FSHR: variants seen among roughly 807,000 people sequenced by gnomAD.
FSHR encodes follicle stimulating hormone receptor.
In FSHR, 46 loss-of-function variants were observed where a neutral mutation model predicts 52.1. The observed-to-expected ratio is 0.88, with a 90% CI of 0.70 to 1.13. The LOEUF is 1.13. Ranked by LOEUF, FSHR falls within the 50% of genes most tolerant of loss-of-function variation. The pLI, the probability that FSHR is intolerant of heterozygous loss-of-function variation, is 0.00. For synonymous variants in FSHR, 399 were observed against 309.6 expected (o/e 1.29, Z -3.03); for missense variants, 964 against 834.6 (o/e 1.16, Z -1.91).
chr2:49,025,822 A>G (rs910571303), intron 2 of FSHR, among the ~76,000 whole-genome samples: 17 of 152,212 alleles, frequency 1.1e-4, no homozygotes, highest in Admixed American at 5.2e-4. Flanking sequence ...CCTAAATCCT[A>G]TAGTGAGATT....
chr2:48,978,754 A>T (rs545682323), intron 8 of FSHR, among the ~76,000 whole-genome samples: 2 of 152,202 alleles, frequency 1.3e-5, no homozygotes, highest in African/African-American at 4.8e-5. Context: ...ACTTGTTTGT[A>T]TGCCCCTGGC....
intron 2 of FSHR, among the ~76,000 whole-genome samples, chr2:49,024,298 G>C (rs911687918): frequency 2.0e-5 from 3 of 152,072 alleles, no homozygotes; most frequent in Non-Finnish European, 4.4e-5. Context: ...ATAAGGGCCG[G>C]GTACAGTGGC....
intron 5 of FSHR, among the ~76,000 whole-genome samples, 194 bp downstream of exon 5, chr2:48,990,372 G>C (rs1197892805): frequency 6.6e-6 from 1 of 152,114 alleles, no homozygotes; most frequent in Non-Finnish European, 1.5e-5. Context: ...GGGTCTTTCA[G>C]TTTCCTCCAA....
At chr2:49,013,514 AT>A (rs1481533671) in intron 4 of FSHR, among the ~76,000 whole-genome samples, 1 of 24,454 alleles carries the variant, frequency 4.1e-5, no homozygotes, top group East Asian at 2.6e-3. Flanking sequence ...ATATATATAT[AT>A]AAATATATAT....
chr2:48,976,342 G>A (rs1426205866), intron 8 of FSHR, among the ~76,000 whole-genome samples: 1 of 152,202 alleles, frequency 6.6e-6, no homozygotes, highest in African/African-American at 2.4e-5. Flanking sequence ...AAGCTGACTT[G>A]ATCGTGGTGG....
chr2:49,093,497 A>G (rs945787715), intron 1 of FSHR, among the ~76,000 whole-genome samples: 2 of 152,084 alleles, frequency 1.3e-5, no homozygotes, highest in African/African-American at 4.8e-5. Flanking sequence ...ATATTAATAT[A>G]GCCACTACAG....
chr2:49,061,783 T>TTATATATAG (rs1558418410), intron 2 of FSHR, among the ~76,000 whole-genome samples: 7 of 142,060 alleles, frequency 4.9e-5, no homozygotes, highest in Non-Finnish European at 9.2e-5. Context: ...ACTCTATATA[T>TTATATATAG]TCATATATAA....
At chr2:49,005,471 G>C (rs1667045860) in intron 4 of FSHR, among the ~76,000 whole-genome samples, 1 of 152,140 alleles carries the variant, frequency 6.6e-6, no homozygotes. Flanking sequence ...AACACTGACA[G>C]CCAGGAGATG....
intron 1 of FSHR, among the ~76,000 whole-genome samples, chr2:49,099,558 T>C (rs918515058): frequency 2.0e-5 from 3 of 152,104 alleles, no homozygotes; most frequent in African/African-American, 7.2e-5. Flanking sequence ...TTGCAAATAT[T>C]ATAAAGTTAA....
chr2:49,091,399 G>C (rs946284798), intron 1 of FSHR, among the ~76,000 whole-genome samples: 2 of 152,134 alleles, frequency 1.3e-5, no homozygotes, highest in African/African-American at 4.8e-5. Context: ...GACCTCCCAA[G>C]TTCAAGTGAT....
Position 48,968,688 on chromosome 2 carries a change from A to G in FSHR, c.854+10T>C, listed in dbSNP as rs755395983. The G allele has an allele frequency of 1.2e-6, 2 of 1,614,022 alleles. No individual in the cohort carries two copies. The highest frequency in any genetic ancestry group is 2.2e-5 in the East Asian group (1 of 44,880). On this transcript the variant is annotated intron_variant, in intron 9 of 9. Transcript: ENST00000406846. ...GAAATGCCTGAGCAGGGCTTAAAGG[A>G]TGGACTCACATTTGCCGTCTCCAGT...
At chr2:48,994,975 T>A (rs1027407138) in intron 4 of FSHR, among the ~76,000 whole-genome samples, 3 of 152,184 alleles carry the variant, frequency 2.0e-5, no homozygotes, top group Non-Finnish European at 4.4e-5. Flanking sequence ...CTGTAATTGC[T>A]GGGAACCATT....
intron 1 of FSHR, among the ~76,000 whole-genome samples, chr2:49,075,732 A>T (rs1362476191): frequency 1.3e-5 from 2 of 151,978 alleles, no homozygotes; most frequent in African/African-American, 2.4e-5. Context: ...GGCTTAATTG[A>T]TCCTGCCCCC....
chr2:48,988,459 C>T (rs746677367), intron 6 of FSHR, among the ~76,000 whole-genome samples: 1 of 152,148 alleles, frequency 6.6e-6, no homozygotes, highest in Non-Finnish European at 1.5e-5. Flanking sequence ...TCACTAACAA[C>T]ACAGAATGCT....
intron 2 of FSHR, among the ~76,000 whole-genome samples, chr2:49,067,619 A>G (rs1376593097): frequency 6.6e-6 from 1 of 152,028 alleles, no homozygotes; most frequent in Non-Finnish European, 1.5e-5. Context: ...CTCTTTTACT[A>G]TTGCACCCCA....
intron 4 of FSHR, among the ~76,000 whole-genome samples, chr2:49,009,348 G>A (rs184148142): frequency 0.017 from 2,542 of 151,898 alleles, 29 homozygotes; most frequent in Middle Eastern, 0.041. Flanking sequence ...GATATGCAGC[G>A]TTATTTCTGA....
intron 1 of FSHR, among the ~76,000 whole-genome samples, chr2:49,089,093 C>CTAATATAATATAATATAATATAATA (rs141082451): frequency 0.013 from 2,020 of 150,082 alleles, 43 homozygotes; most frequent in African/African-American, 0.045. Flanking sequence ...AAATTCACTT[C>CTAATATAATATAATATAATATAATA]TAATATAATA....
At chr2:49,040,420 C>T (rs1668441143) in intron 2 of FSHR, among the ~76,000 whole-genome samples, 1 of 151,906 alleles carries the variant, frequency 6.6e-6, no homozygotes, top group Non-Finnish European at 1.5e-5. Flanking sequence ...ATAAGTTACT[C>T]AATTTTTTAA....
At chr2:49,004,328 T>C (rs1350819544) in intron 4 of FSHR, among the ~76,000 whole-genome samples, 2 of 152,218 alleles carry the variant, frequency 1.3e-5, no homozygotes, top group Non-Finnish European at 2.9e-5. Flanking sequence ...AATTTACAGC[T>C]GATTTAAGCT....
Sources: gnomAD v4.1 joint callset for allele counts (sites outside exome capture counted in the v4.1 genomes callset) on GRCh38, gnomAD v4.1.1 for gene constraint, MANE v1.5 for transcripts, NCBI Gene and HGNC (gene_info 2026-07-23, HGNC 2026-07-21) for gene names.